The following NOX5 variants were observed in gnomAD, a reference collection of about 807,000 sequenced individuals.
NOX5 encodes NADPH oxidase, EF-hand calcium binding domain 5.
A neutral mutation model predicts 85.7 loss-of-function variants in NOX5; 76 were observed. The observed-to-expected ratio is 0.89, with a 90% confidence interval of 0.74 to 1.07. The LOEUF (loss-of-function observed/expected upper bound fraction) is 1.07. Ranked by LOEUF, NOX5 falls within the 50% of genes least tolerant of loss-of-function variation. NOX5 has a pLI of 0.00. For synonymous variants in NOX5, 405 were observed against 401.4 expected (o/e 1.01, Z -0.11); for missense variants, 973 against 999.5 (o/e 0.97, Z 0.36).
rs1202214174 is a variant in NOX5 at position 69,058,558 on chromosome 15, A to G, written c.*1862A>G. The G allele has an allele frequency of 6.6e-6, 1 of 152,392 alleles. No homozygotes were observed. Among genetic ancestry groups the G allele is most frequent in the Non-Finnish European group, 1.5e-5 (1 of 68,178 alleles). The allele number at this position is 152,392 out of a possible 1,614,324, so 9.4% of individuals were successfully genotyped here. A position where few individuals can be genotyped will look rare whatever the true frequency, so the allele number is the denominator to read the frequency against. On this transcript the variant is annotated 3_prime_UTR_variant, in exon 16 of 16. Coordinates refer to ENST00000388866, the MANE Select transcript of NOX5 (RefSeq NM_024505.4). ...GGGGCCTGCAGTCAAGGAGAGGCTAATTCGGTTTGGGTGGGTGGAAAGCGG... is the reference window on the plus strand; with the variant it reads ...GGGGCCTGCAGTCAAGGAGAGGCTAGTTCGGTTTGGGTGGGTGGAAAGCGG...
At chr15:69,045,766 G>A (rs2050665921) in intron 10 of NOX5, among the ~76,000 whole-genome samples, 1 of 151,884 alleles carries the variant, frequency 6.6e-6, no homozygotes, top group Non-Finnish European at 1.5e-5. Flanking sequence ...GAGGTTAAAA[G>A]ATGCATTAGC....
chr15:69,023,044 G>T, intron 1 of NOX5: 1 of 459,306 alleles, frequency 2.2e-6, no homozygotes, highest in South Asian at 1.7e-5. Context: ...GAGGGCTTGG[G>T]GTACTTTGCA....
chr15:69,056,502 C>T (rs2050813270), intron 15 of NOX5, 63 bp from the exon 16 acceptor site: 2 of 1,586,602 alleles, frequency 1.3e-6, no homozygotes, highest in Admixed American at 1.8e-5. Flanking sequence ...GTGGTTGTGT[C>T]ACTGGTGAGT....
chr15:69,017,933 G>C (rs893140621), intron 1 of NOX5, among the ~76,000 whole-genome samples: 1 of 152,070 alleles, frequency 6.6e-6, no homozygotes, highest in African/African-American at 2.4e-5. Flanking sequence ...CCATGGAAGT[G>C]CTGTCTGAGG....
intron 9 of NOX5, among the ~76,000 whole-genome samples, chr15:69,042,162 T>A (rs1323259645): frequency 6.6e-6 from 1 of 151,868 alleles, no homozygotes; most frequent in Non-Finnish European, 1.5e-5. Flanking sequence ...TTGGTACCAC[T>A]CAGCAGAAGA....
chr15:69,031,361 T>G, intron 3 of NOX5, 157 bp from the exon 4 acceptor site: 1 of 732,258 alleles, frequency 1.4e-6, no homozygotes, highest in Non-Finnish European at 2.2e-6. Context: ...CGTGGGGAGG[T>G]GTCCATTGCT....
rs1375774733 is a variant in NOX5, at chr15:69,014,779, G to A, written c.44G>A (p.Cys15Tyr). 6 of 1,548,988 alleles carry A rather than the reference G, an allele frequency of 3.9e-6. No individual in the cohort carries two copies. The South Asian group carries it at 7.1e-5, about 18-fold the overall frequency. ...CCAGCCCAGACGGGCCCTGAAGGCT[G>A]TAGAGGGTGAGTGGCTCATTTGTCC... ...GDPAQTGPEG[C>Y]RGTMSAEEDA... The change falls in exon 1 of 16, where the codon TGT (cysteine) becomes TAT (tyrosine). Residue 15 changes from cysteine (C) to tyrosine (Y), a missense_variant. Physicochemically the swap from Cys to Tyr is radical, Grantham distance 194 (BLOSUM62 -2). Transcript: ENST00000388866.
At chr15:69,049,796 T>C (rs1038291397) in intron 14 of NOX5, among the ~76,000 whole-genome samples, 1 of 152,210 alleles carries the variant, frequency 6.6e-6, no homozygotes, top group African/African-American at 2.4e-5. Context: ...ACGATTCTTA[T>C]TCACACTAAT....
chr15:69,033,199 G>A lies in NOX5; in HGVS notation c.777G>A (p.Ala259=), dbSNP rs2050463877. 6.3e-7 allele frequency: 1 copy of A among 1,595,578 alleles called. No homozygotes were observed. Among genetic ancestry groups the A allele is most frequent in the South Asian group, 1.1e-5 (1 of 89,646 alleles). Residue 259 remains alanine, a synonymous_variant, in exon 5 of 16, where the codon GCG becomes GCA. Coordinates refer to ENST00000388866, the MANE Select transcript of NOX5 (RefSeq NM_024505.4). ...HVLLFGLAAS[A]HRDLGASVMV... ...TGCTCTTCGGGCTGGCGGCCAGCGC[G>A]CACCGGGACCTCGGCGCCAGCGTCA...
intron 12 of NOX5, 43 bp from the exon 13 acceptor site, chr15:69,047,787 T>C: frequency 6.3e-7 from 1 of 1,599,922 alleles, no homozygotes; most frequent in Non-Finnish European, 8.6e-7. Context: ...TCCTGAAAAG[T>C]CTCACCCCAA....
chr15:69,045,788 G>C lies in NOX5; in HGVS notation c.1648-1034G>C, dbSNP rs115719622. 8.1e-3 allele frequency among the ~76,000 whole-genome samples: 1,236 copies of C among 152,060 alleles called. 15 individuals are homozygous for C. Among genetic ancestry groups the C allele is most frequent in the African/African-American group, 0.027 (1,119 of 41,444 alleles). On this transcript the variant is annotated intron_variant, in intron 10 of 15. Transcript: ENST00000388866. ...AAAGATGCATTAGCCAGAATGGAAG[G>C]CTTTCTCGTTGCCATCAGAAGGACT...
At chr15:69,020,669 T>C (rs2050285623) in intron 1 of NOX5, among the ~76,000 whole-genome samples, 1 of 151,732 alleles carries the variant, frequency 6.6e-6, no homozygotes, top group Admixed American at 6.6e-5. Flanking sequence ...CATATAAATA[T>C]AGATAGATAT....
In NOX5 at chr15:69,014,759, C is replaced by T; in HGVS notation, c.24C>T (p.Ala8=). The T allele has an allele frequency of 6.4e-7, 1 of 1,550,526 alleles. No homozygotes were observed. The highest frequency in any genetic ancestry group is 1.2e-5 in the South Asian group (1 of 84,056). Residue 8 remains alanine, a synonymous_variant, in exon 1 of 16, where the codon GCC becomes GCT. Transcript: ENST00000388866. Reference sequence around the variant, plus strand: ...AGATGAACACATCTGGAGACCCAGCCCAGACGGGCCCTGAAGGCTGTAGAG... The same window carrying T: ...AGATGAACACATCTGGAGACCCAGCTCAGACGGGCCCTGAAGGCTGTAGAG... MNTSGDP[A]QTGPEGCRGT...
chr15:69,048,924 AC>A, intron 13 of NOX5, 34 bp from the exon 14 acceptor site: 1 of 1,527,698 alleles, frequency 6.5e-7, no homozygotes, highest in Non-Finnish European at 9.0e-7. Context: ...AATCAGGGAG[AC>A]CCAGCCTCTG....
chr15:69,014,853 G>A (rs2140240410), intron 1 of NOX5, 68 bp downstream of exon 1: 1 of 1,168,346 alleles, frequency 8.6e-7, no homozygotes, highest in African/African-American at 1.5e-5. Flanking sequence ...TTGCCTTTGT[G>A]GGATCTACAA....
chr15:69,036,525 G>A (rs750146543), intron 7 of NOX5, among the ~76,000 whole-genome samples: 27 of 152,220 alleles, frequency 1.8e-4, no homozygotes, highest in Non-Finnish European at 3.7e-4. Context: ...TACTGAGCAC[G>A]TACCTACTCT....
chr15:69,032,009 C>A (rs1044172772), intron 4 of NOX5, among the ~76,000 whole-genome samples, 197 bp downstream of exon 4: 4 of 150,584 alleles, frequency 2.7e-5, no homozygotes, highest in African/African-American at 4.9e-5. Flanking sequence ...TCTGCAGAAT[C>A]AACTCAAGGT....
intron 1 of NOX5, among the ~76,000 whole-genome samples, chr15:69,020,070 TG>T (rs2050279000): frequency 6.6e-6 from 1 of 152,238 alleles, no homozygotes; most frequent in African/African-American, 2.4e-5. Context: ...GGTTTCTGTT[TG>T]TTTGTTTTTG....
intron 5 of NOX5, among the ~76,000 whole-genome samples, chr15:69,033,940 C>G (rs1000578525): frequency 1.3e-5 from 2 of 151,994 alleles, no homozygotes; most frequent in Admixed American, 1.3e-4. Flanking sequence ...GTGATCCACC[C>G]TCCTCGGCCT....
Sources: gnomAD v4.1 joint callset for allele counts (sites outside exome capture counted in the v4.1 genomes callset) on GRCh38, gnomAD v4.1.1 for gene constraint, MANE v1.5 for transcripts, NCBI Gene and HGNC (gene_info 2026-07-23, HGNC 2026-07-21) for gene names.